Variants in E2F3 observed in about 807,000 individuals in gnomAD.
The protein encoded by E2F3 is transcription factor E2F3.
E2F3 carries 11 observed loss-of-function variants against 44.4 expected under a neutral mutation model. The observed-to-expected ratio is 0.25, with a 90% CI of 0.16 to 0.41. The LOEUF (loss-of-function observed/expected upper bound fraction) is 0.41, where lower values mean the gene tolerates loss of function less well. Among genes scored for constraint, E2F3 ranks in the 10% least tolerant of loss-of-function variants. The pLI, the probability that E2F3 is intolerant of heterozygous loss-of-function variation, is 1.00. For missense variants in E2F3, 487 were observed against 583.6 expected, an observed-to-expected ratio of 0.83 and a Z score of 1.70; for synonymous variants, 249 against 253.0, an observed-to-expected ratio of 0.98 and a Z score of 0.15.
intron 1 of E2F3, among the ~76,000 whole-genome samples, chr6:20,441,702 G>A (rs904346394): frequency 6.7e-5 from 10 of 150,048 alleles, no homozygotes; most frequent in African/African-American, 2.5e-4. Flanking sequence ...AACCTCCTAA[G>A]TAGCTGAGAT....
intron 1 of E2F3, among the ~76,000 whole-genome samples, chr6:20,411,616 G>A (rs537401345): frequency 2.0e-5 from 3 of 152,254 alleles, no homozygotes; most frequent in South Asian, 2.1e-4. Flanking sequence ...CGGCTGCTGC[G>A]ACAGTGTGGT....
chr6:20,464,692 C>G (rs1461666129), intron 1 of E2F3, among the ~76,000 whole-genome samples: 1 of 152,212 alleles, frequency 6.6e-6, no homozygotes, highest in Non-Finnish European at 1.5e-5. Flanking sequence ...TTCTGTTTTA[C>G]AGTACTATGT....
intron 1 of E2F3, among the ~76,000 whole-genome samples, chr6:20,471,552 G>A (rs960592301): frequency 7.2e-5 from 11 of 152,170 alleles, no homozygotes; most frequent in African/African-American, 2.7e-4. Flanking sequence ...TTGCACTCTA[G>A]CCTGGGCAAA....
At chr6:20,455,429 C>T (rs1017599045) in intron 1 of E2F3, among the ~76,000 whole-genome samples, 1 of 152,156 alleles carries the variant, frequency 6.6e-6, no homozygotes, top group Admixed American at 6.5e-5. Context: ...CTCTGACCTA[C>T]AAAAGTGTCT....
At chr6:20,448,208 G>A (rs374785279) in intron 1 of E2F3, among the ~76,000 whole-genome samples, 4 of 152,150 alleles carry the variant, frequency 2.6e-5, no homozygotes, top group African/African-American at 9.7e-5. Flanking sequence ...TGTTATGAGC[G>A]CTCTCAATGC....
intron 4 of E2F3, among the ~76,000 whole-genome samples, chr6:20,486,365 C>T (rs545439698): frequency 3.9e-5 from 6 of 152,260 alleles, no homozygotes; most frequent in Non-Finnish European, 5.9e-5. Flanking sequence ...CTCCACCTCC[C>T]GGGTTCATGC....
At chr6:20,428,062 C>A (rs1304545118) in intron 1 of E2F3, among the ~76,000 whole-genome samples, 1 of 152,014 alleles carries the variant, frequency 6.6e-6, no homozygotes, top group African/African-American at 2.4e-5. Flanking sequence ...AAGTTAGAGG[C>A]GAGGAAATGA....
intron 1 of E2F3, among the ~76,000 whole-genome samples, chr6:20,414,212 G>C (rs1759767920): frequency 6.6e-6 from 1 of 152,198 alleles, no homozygotes; most frequent in East Asian, 1.9e-4. Flanking sequence ...TTCTTCCTCT[G>C]TAATATGAAA....
chr6:20,490,249 T>A lies in E2F3; in HGVS notation c.1217T>A (p.Leu406His). Reference protein sequence around the residue: ...NLSPLASPANLLQQTEDQIPS... With the variant: ...NLSPLASPANHLQQTEDQIPS... ...TCTCCTCTGGCCTCCCCAGCCAACCTCTTACAGCAGACTGAGGACCAAATT... is the reference window on the plus strand; with the variant it reads ...TCTCCTCTGGCCTCCCCAGCCAACCACTTACAGCAGACTGAGGACCAAATT... The change falls in exon 7 of 7, where the codon CTC becomes CAC. Residue 406 changes from leucine (L) to histidine (H), a missense_variant. Physicochemically the swap from Leu to His is moderately conservative, Grantham distance 99 (BLOSUM62 -3). This residue lies in a region of E2F3 where 220 missense variants were observed against 261.7 expected (regional missense o/e 0.84). Transcript: ENST00000346618. The surrounding 1 kb of genome is among the most constrained non-coding windows in gnomAD (Gnocchi z 4.3). 6.2e-7 allele frequency: 1 copy of A among 1,614,132 alleles called. No individual in the cohort carries two copies. Among genetic ancestry groups the A allele is most frequent in the Non-Finnish European group, 8.5e-7 (1 of 1,180,004 alleles).
At chr6:20,422,144 C>T (rs1001600680) in intron 1 of E2F3, among the ~76,000 whole-genome samples, 1 of 152,190 alleles carries the variant, frequency 6.6e-6, no homozygotes, top group African/African-American at 2.4e-5. Flanking sequence ...TTAGCTAGAT[C>T]TTCTGAATAA....
chr6:20,461,766 G>C (rs1761518045), intron 1 of E2F3, among the ~76,000 whole-genome samples: 1 of 152,096 alleles, frequency 6.6e-6, no homozygotes, highest in Non-Finnish European at 1.5e-5. Context: ...ACAAATTCTT[G>C]TGTACACATC....
At chr6:20,428,287 G>A (rs564801388) in intron 1 of E2F3, among the ~76,000 whole-genome samples, 4 of 152,018 alleles carry the variant, frequency 2.6e-5, no homozygotes, top group Admixed American at 6.5e-5. Flanking sequence ...GCAATGGTGC[G>A]ATCTTGGCTC....
Position 20,406,470 on chromosome 6 carries a change from T to C in E2F3, c.393+3845T>C, listed in dbSNP as rs76915355. Among the ~76,000 whole-genome samples the C allele has an allele frequency of 3.7e-4, 57 of 152,354 alleles. 1 individual carries two copies. In the East Asian group the frequency reaches 9.8e-3, roughly 26 times the overall value. ...GAAATAGTGTAAGGCCAGGTGCACA[T>C]TGTCCCTTTGTTTACATATATGAAG... On this transcript the variant is annotated intron_variant, in intron 1 of 6. Coordinates refer to ENST00000346618, the MANE Select transcript of E2F3 (RefSeq NM_001949.5).
intron 1 of E2F3, among the ~76,000 whole-genome samples, chr6:20,432,097 G>C (rs1224844607): frequency 6.6e-6 from 1 of 152,234 alleles, no homozygotes; most frequent in Admixed American, 6.5e-5. Context: ...AGGCACTGGG[G>C]GTTATGACTT....
At chr6:20,483,051 GTGTA>G (rs777397856) in intron 4 of E2F3, 131 bp downstream of exon 4, 27 of 1,333,938 alleles carry the variant, frequency 2.0e-5, no homozygotes, top group African/African-American at 5.8e-5. Context: ...GTGCCTGTGT[GTGTA>G]TGTGTGTGTG....
intron 1 of E2F3, among the ~76,000 whole-genome samples, chr6:20,411,936 G>A (rs1759687255): frequency 6.6e-6 from 1 of 152,152 alleles, no homozygotes; most frequent in African/African-American, 2.4e-5. Flanking sequence ...TCCCTGCAGT[G>A]CCCACTACAC....
chr6:20,489,785 G>A (rs1762503510), intron 6 of E2F3, among the ~76,000 whole-genome samples: 1 of 151,712 alleles, frequency 6.6e-6, no homozygotes, highest in Non-Finnish European at 1.5e-5. Context: ...GACCAGACTG[G>A]GCAACATGGC....
At chr6:20,424,833 G>T (rs6915201) in intron 1 of E2F3, among the ~76,000 whole-genome samples, 12 of 152,074 alleles carry the variant, frequency 7.9e-5, no homozygotes, top group African/African-American at 2.9e-4. Context: ...GGAAAGTGAG[G>T]CTCAGTGATG....
At chr6:20,480,006 C>CA (rs1245408346) in intron 2 of E2F3, 49 bp downstream of exon 2, 3 of 1,552,938 alleles carry the variant, frequency 1.9e-6, no homozygotes, top group African/African-American at 2.7e-5. Flanking sequence ...ATGGCATTTC[C>CA]AAGTTTCAAA....
Sources: gnomAD v4.1 joint callset for allele counts (sites outside exome capture counted in the v4.1 genomes callset) on GRCh38, gnomAD v4.1.1 for gene constraint, gnomAD v4.1.1 regional missense constraint, Gnocchi (gnomAD v3.1) non-coding constraint, MANE v1.5 for transcripts, NCBI Gene and HGNC (gene_info 2026-07-23, HGNC 2026-07-21) for gene names.